Variants in ZNF407 observed in about 807,000 individuals in gnomAD.
ZNF407 encodes zinc finger protein 407.
Under a neutral mutation model 131.2 loss-of-function variants are expected in ZNF407, and 17 were observed. The ratio of observed to expected loss-of-function variants is 0.13; its 90% CI spans 0.09 to 0.19. ZNF407 has a LOEUF of 0.19. ZNF407 is among the 10% of genes least tolerant of loss of function. ZNF407 has a pLI of 1.00. For synonymous variants in ZNF407, 1,156 were observed against 1,062.0 expected (o/e 1.09, Z -1.72); for missense variants, 2,681 against 2,830.6 (o/e 0.95, Z 1.20).
At chr18:74,790,648 C>T (rs1359373444) in intron 4 of ZNF407, among the ~76,000 whole-genome samples, 1 of 152,034 alleles carries the variant, frequency 6.6e-6, no homozygotes, top group African/African-American at 2.4e-5. Context: ...CCAGTCATTG[C>T]CAGAATTAAA....
At chr18:74,840,553 T>C (rs1289671092) in intron 4 of ZNF407, among the ~76,000 whole-genome samples, 1 of 152,160 alleles carries the variant, frequency 6.6e-6, no homozygotes, top group Admixed American at 6.5e-5. Flanking sequence ...TTTATTTTAT[T>C]TTTTGAACAT....
chr18:74,931,968 A>T (rs897153626), intron 8 of ZNF407, among the ~76,000 whole-genome samples: 2 of 152,164 alleles, frequency 1.3e-5, no homozygotes, highest in Admixed American at 6.5e-5. Context: ...ATTTTCTCCT[A>T]GTCTGAGACA....
At chr18:74,827,077 C>T (rs768932796) in intron 4 of ZNF407, among the ~76,000 whole-genome samples, 2 of 152,200 alleles carry the variant, frequency 1.3e-5, no homozygotes, top group African/African-American at 2.4e-5. Flanking sequence ...CAACCTGGAG[C>T]AGTTCTTTAG....
At chr18:74,847,500 G>C (rs138205474) in intron 4 of ZNF407, among the ~76,000 whole-genome samples, 2 of 152,286 alleles carry the variant, frequency 1.3e-5, no homozygotes, top group African/African-American at 2.4e-5. Context: ...TTCTCATCAA[G>C]AGTCAAAATC....
At chr18:75,044,676 T>C (rs1973412232) in intron 8 of ZNF407, among the ~76,000 whole-genome samples, 1 of 152,198 alleles carries the variant, frequency 6.6e-6, no homozygotes, top group Non-Finnish European at 1.5e-5. Flanking sequence ...TCCATTGATA[T>C]GTTTGATAAG....
At chr18:74,706,739 G>A (rs1967632499) in intron 3 of ZNF407, among the ~76,000 whole-genome samples, 1 of 152,148 alleles carries the variant, frequency 6.6e-6, no homozygotes, top group Non-Finnish European at 1.5e-5. Context: ...ATTTTGGGTA[G>A]GGTACTTGTA....
chr18:74,823,538 C>CA (rs892491928), intron 4 of ZNF407, among the ~76,000 whole-genome samples: 4 of 150,678 alleles, frequency 2.7e-5, no homozygotes, highest in African/African-American at 7.3e-5. Context: ...AAATGGAAAG[C>CA]AAAAAAAAGC....
At chr18:74,612,404 A>C (rs1328783345) in intron 1 of ZNF407, among the ~76,000 whole-genome samples, 4 of 152,196 alleles carry the variant, frequency 2.6e-5, no homozygotes, top group African/African-American at 9.6e-5. Flanking sequence ...ACATATTAAA[A>C]GTTTTTTGTA....
intron 4 of ZNF407, among the ~76,000 whole-genome samples, chr18:74,824,871 A>T (rs982699084): frequency 1.3e-5 from 2 of 152,140 alleles, no homozygotes; most frequent in African/African-American, 4.8e-5. Flanking sequence ...TGTGAGGTCA[A>T]CATCATTGTG....
intron 8 of ZNF407, among the ~76,000 whole-genome samples, chr18:74,922,531 G>C (rs1971859812): frequency 6.6e-6 from 1 of 152,158 alleles, no homozygotes; most frequent in East Asian, 1.9e-4. Flanking sequence ...ATAATATAAA[G>C]TTCAGTTGAG....
intron 8 of ZNF407, among the ~76,000 whole-genome samples, chr18:74,967,995 A>G (rs1415368380): frequency 1.3e-5 from 2 of 151,898 alleles, no homozygotes; most frequent in Non-Finnish European, 1.5e-5. Context: ...GCTTGTTTTC[A>G]TTTTGGTTTG....
intron 8 of ZNF407, among the ~76,000 whole-genome samples, chr18:74,993,023 T>G (rs1279479445): frequency 6.6e-6 from 1 of 152,194 alleles, no homozygotes; most frequent in Non-Finnish European, 1.5e-5. Flanking sequence ...TGTTGGGCAT[T>G]GCTGGTAGTA....
chr18:74,641,178 C>A, intron 3 of ZNF407, 56 bp downstream of exon 3: 1 of 1,421,286 alleles, frequency 7.0e-7, no homozygotes, highest in Non-Finnish European at 9.9e-7. Context: ...TGCAGGATAG[C>A]CATTGTTTCG....
chr18:74,814,915 T>A (rs1970246584), intron 4 of ZNF407, among the ~76,000 whole-genome samples: 4 of 151,988 alleles, frequency 2.6e-5, no homozygotes, highest in Admixed American at 2.0e-4. Context: ...AGTACATTTT[T>A]AAAATTCAAA....
chr18:74,781,120 A>C (rs1969592059), intron 3 of ZNF407, among the ~76,000 whole-genome samples: 1 of 152,088 alleles, frequency 6.6e-6, no homozygotes, highest in African/African-American at 2.4e-5. Context: ...TGTTATACTG[A>C]GGTATTGCTT....
At chr18:74,860,703 T>G (rs1215815038) in intron 4 of ZNF407, among the ~76,000 whole-genome samples, 1 of 152,032 alleles carries the variant, frequency 6.6e-6, no homozygotes, top group Non-Finnish European at 1.5e-5. Flanking sequence ...GGTATCATAG[T>G]GGGGATAAGA....
chr18:75,032,726 C>T (rs1006304555), intron 8 of ZNF407, among the ~76,000 whole-genome samples: 3 of 147,298 alleles, frequency 2.0e-5, no homozygotes, highest in South Asian at 2.1e-4. Flanking sequence ...TAAGAGTGCT[C>T]GGAATGGGGG....
intron 8 of ZNF407, among the ~76,000 whole-genome samples, chr18:74,940,593 A>C (rs1041880177): frequency 6.6e-6 from 1 of 152,214 alleles, no homozygotes; most frequent in African/African-American, 2.4e-5. Context: ...AGGTTGTAGC[A>C]GAGAAGCGAC....
chr18:74,615,988 C>G (rs1006886703), intron 1 of ZNF407, among the ~76,000 whole-genome samples: 1 of 152,052 alleles, frequency 6.6e-6, no homozygotes, highest in Non-Finnish European at 1.5e-5. Context: ...CTCAGCCTCC[C>G]TAGTAGCTGG....
Sources: allele counts gnomAD v4.1 joint callset (sites outside exome capture counted in the v4.1 genomes callset), GRCh38; gene constraint gnomAD v4.1.1; transcripts MANE v1.5; gene names NCBI Gene and HGNC (gene_info 2026-07-23, HGNC 2026-07-21).